DYNC2H1: variants seen among roughly 807,000 people sequenced by gnomAD.
The protein encoded by DYNC2H1 is dynein cytoplasmic 2 heavy chain 1, also known as cytoplasmic dynein 2 heavy chain 1.
Under a neutral mutation model 570.0 loss-of-function variants are expected in DYNC2H1, and 410 were observed. The observed-to-expected ratio is 0.72, with a 90% CI of 0.66 to 0.78. The LOEUF (loss-of-function observed/expected upper bound fraction) is 0.78. Ranked by LOEUF, DYNC2H1 falls within the 30% of genes least tolerant of loss-of-function variation. The probability of loss-of-function intolerance (pLI) is 0.00; values close to 1 mark genes in which losing one functional copy is unlikely to be tolerated. For missense variants in DYNC2H1, 4,865 were observed against 5,046.4 expected (o/e 0.96, Z 1.09); for synonymous variants, 1,688 against 1,677.6 (o/e 1.01, Z -0.15).
rs184460710 is a variant in DYNC2H1, at chr11:103,157,697, T to C, written c.4127+927T>C. 2.1e-3 allele frequency among the ~76,000 whole-genome samples: 313 copies of C among 152,342 alleles called. 1 individual carries two copies. Among genetic ancestry groups the C allele is most frequent in the African/African-American group, 7.3e-3 (302 of 41,586 alleles). Reference sequence around the variant, plus strand: ...CCTTCTGACTTGCTCTTGTATAATATAAGTTTTTCACACAACAGCCAGAGT... The same window carrying C: ...CCTTCTGACTTGCTCTTGTATAATACAAGTTTTTCACACAACAGCCAGAGT... On this transcript the variant is annotated intron_variant, in intron 26 of 88. Coordinates refer to ENST00000375735, the MANE Select transcript of DYNC2H1 (RefSeq NM_001377.3). This position sits in a 1 kb window ranked among gnomAD's most constrained non-coding sequence, Gnocchi z 4.2.
At chr11:103,166,881 T>G (rs1156377193) in intron 31 of DYNC2H1, among the ~76,000 whole-genome samples, 1 of 152,004 alleles carries the variant, frequency 6.6e-6, no homozygotes, top group Non-Finnish European at 1.5e-5. Context: ...TTTTGGCTCT[T>G]ATTTCTTCAA....
intron 87 of DYNC2H1, among the ~76,000 whole-genome samples, chr11:103,459,308 C>CAAAAAA (rs33941099): frequency 1.9e-5 from 1 of 52,424 alleles, no homozygotes; most frequent in African/African-American, 7.6e-5. Flanking sequence ...GACTCCGTCT[C>CAAAAAA]AAAAAAAAAA....
chr11:103,365,681 A>G (rs879441894), intron 83 of DYNC2H1, among the ~76,000 whole-genome samples: 1 of 152,214 alleles, frequency 6.6e-6, no homozygotes, highest in Non-Finnish European at 1.5e-5. Flanking sequence ...ATAGCACTAT[A>G]ATTCTTTATT....
intron 83 of DYNC2H1, among the ~76,000 whole-genome samples, chr11:103,377,976 T>C (rs1941462512): frequency 6.6e-6 from 1 of 152,208 alleles, no homozygotes; most frequent in African/African-American, 2.4e-5. Flanking sequence ...CCTCATGTGA[T>C]TCCTCCAGCC....
intron 47 of DYNC2H1, among the ~76,000 whole-genome samples, chr11:103,197,365 G>A (rs1862542827): frequency 6.6e-6 from 1 of 152,058 alleles, no homozygotes; most frequent in South Asian, 2.1e-4. Context: ...AAGAAGTGAG[G>A]GGGCAGAATA....
chr11:103,365,728 G>A (rs912065022), intron 83 of DYNC2H1, among the ~76,000 whole-genome samples: 3 of 152,082 alleles, frequency 2.0e-5, no homozygotes, highest in Non-Finnish European at 2.9e-5. Context: ...CCTTCAAAAG[G>A]TTTGAACATG....
chr11:103,307,209 TTTATA>T (rs1231287345), intron 77 of DYNC2H1, among the ~76,000 whole-genome samples: 33 of 152,130 alleles, frequency 2.2e-4, no homozygotes, highest in Non-Finnish European at 3.8e-4. Context: ...AAGTTTTGAA[TTTATA>T]TTATAGGCCA....
At chr11:103,141,651 G>T (rs925787139) in intron 17 of DYNC2H1, among the ~76,000 whole-genome samples, 1 of 152,212 alleles carries the variant, frequency 6.6e-6, no homozygotes, top group Non-Finnish European at 1.5e-5. Context: ...TCAGGGGTCA[G>T]GGGTCAGGGG....
rs767726117 is a variant in DYNC2H1 at position 103,117,661 on chromosome 11, A to G, written c.797A>G (p.Lys266Arg). ...TCATTTGGAAGGTTTGTTCAGAAAAAGTTGGGAACTTTGAACCTGTGGGAA... is the reference window on the plus strand; with the variant it reads ...TCATTTGGAAGGTTTGTTCAGAAAAGGTTGGGAACTTTGAACCTGTGGGAA... ...GGSFGRFVQK[K>R]LGTLNLWEDP... The change falls in exon 6 of 89, where the codon AAG becomes AGG. Residue 266 changes from lysine to arginine, a missense_variant. Around this residue, in one of 5 missense-constraint regions of DYNC2H1, gnomAD observed 1,936 missense variants for 1,962.1 expected, o/e 0.99. Transcript: ENST00000375735. 12 of 1,606,860 alleles carry G rather than the reference A, an allele frequency of 7.5e-6. No individual in the cohort carries two copies. Among genetic ancestry groups the G allele is most frequent in the Non-Finnish European group, 3.4e-6 (4 of 1,176,006 alleles).
intron 83 of DYNC2H1, among the ~76,000 whole-genome samples, chr11:103,397,980 T>G (rs1243453863): frequency 1.3e-5 from 2 of 152,204 alleles, no homozygotes; most frequent in Non-Finnish European, 2.9e-5. Flanking sequence ...TGATCTAAGT[T>G]TGAGTGTTTT....
chr11:103,165,678 A>G (rs1861275749), intron 30 of DYNC2H1, among the ~76,000 whole-genome samples: 1 of 152,188 alleles, frequency 6.6e-6, no homozygotes, highest in South Asian at 2.1e-4. Flanking sequence ...GTAGTAGAGT[A>G]TAGTATGAAA....
intron 70 of DYNC2H1, among the ~76,000 whole-genome samples, chr11:103,278,767 A>T (rs867986818): frequency 1.3e-5 from 2 of 152,122 alleles, no homozygotes; most frequent in Non-Finnish European, 2.9e-5. Context: ...GATTTTCACC[A>T]TGTTGGCCAG....
At chr11:103,469,078 A>G (rs1945286035) in intron 88 of DYNC2H1, among the ~76,000 whole-genome samples, 1 of 152,198 alleles carries the variant, frequency 6.6e-6, no homozygotes, top group Non-Finnish European at 1.5e-5. Flanking sequence ...TGCAAGGCAG[A>G]TATTATTATT....
intron 85 of DYNC2H1, among the ~76,000 whole-genome samples, chr11:103,444,124 T>G (rs1944354878): frequency 6.7e-6 from 1 of 149,524 alleles, no homozygotes; most frequent in East Asian, 2.0e-4. Context: ...TTGACTAAAA[T>G]GTTTCCAGCT....
intron 54 of DYNC2H1, 149 bp downstream of exon 54, chr11:103,212,092 T>C: frequency 5.9e-6 from 6 of 1,010,650 alleles, no homozygotes; most frequent in Non-Finnish European, 7.7e-6. Context: ...CTTTCCTACC[T>C]ATATTGCCCT....
rs140523598 is a variant in DYNC2H1, at chr11:103,416,426, C to T, written c.12366+16554C>T. On this transcript the variant is annotated intron_variant, in intron 84 of 88. Coordinates refer to ENST00000375735, the MANE Select transcript of DYNC2H1 (RefSeq NM_001377.3). ...GCTGGAGGCATCAGCTACCTGACTT[C>T]AAACTATACTACAAGGCTACAGTAA... Among the ~76,000 whole-genome samples the T allele has an allele frequency of 2.0e-3, 299 of 152,280 alleles. 1 individual carries two copies. Among genetic ancestry groups the T allele is most frequent in the African/African-American group, 6.7e-3 (277 of 41,542 alleles).
chr11:103,121,004 C>G lies in DYNC2H1; in HGVS notation c.1328C>G (p.Thr443Ser). Reference protein sequence around the residue: ...ISKELMLERETLLARLVDSIK... With the variant: ...ISKELMLERESLLARLVDSIK... Reference sequence around the variant, plus strand: ...AAAGAATTGATGTTAGAAAGAGAAACTTTACTGGCAAGACTTGTGGACTCA... The same window carrying G: ...AAAGAATTGATGTTAGAAAGAGAAAGTTTACTGGCAAGACTTGTGGACTCA... Residue 443 changes from threonine to serine, a missense_variant, in exon 9 of 89, where the codon ACT (threonine) becomes AGT (serine). Thr to Ser is a moderately conservative substitution (Grantham distance 58). Transcript: ENST00000375735. 1 of 1,585,698 alleles carries G rather than the reference C, an allele frequency of 6.3e-7. No homozygotes were observed. The highest frequency in any genetic ancestry group is 8.6e-7 in the Non-Finnish European group (1 of 1,166,708).
At chr11:103,134,995 A>G (rs146870888) in intron 15 of DYNC2H1, among the ~76,000 whole-genome samples, 241 of 152,264 alleles carry the variant, frequency 1.6e-3, no homozygotes, top group Non-Finnish European at 2.7e-3. Context: ...AGGCAAAAGT[A>G]CTACTAGAAT....
intron 25 of DYNC2H1, 149 bp from the exon 26 acceptor site, chr11:103,156,239 G>A: frequency 1.5e-6 from 1 of 684,934 alleles, no homozygotes; most frequent in Non-Finnish European, 2.4e-6. Flanking sequence ...TTCTTGAGTT[G>A]CATGTAAAAT....
Sources: gnomAD v4.1 joint callset for allele counts (sites outside exome capture counted in the v4.1 genomes callset) on GRCh38, gnomAD v4.1.1 for gene constraint, gnomAD v4.1.1 regional missense constraint, Gnocchi (gnomAD v3.1) non-coding constraint, MANE v1.5 for transcripts, NCBI Gene and HGNC (gene_info 2026-07-23, HGNC 2026-07-21) for gene names.